C8orf88: variants seen among roughly 807,000 people sequenced by gnomAD.
C8orf88 encodes the protein uncharacterized protein C8orf88.
C8orf88 carries 14 observed loss-of-function variants against 18.4 expected under a neutral mutation model. The ratio of observed to expected loss-of-function variants is 0.76; its 90% CI spans 0.50 to 1.19. The LOEUF is 1.19. Ranked by LOEUF, C8orf88 falls within the 50% of genes most tolerant of loss-of-function variation. C8orf88 has a pLI of 0.00. For synonymous variants in C8orf88, 45 were observed against 42.9 expected (o/e 1.05, Z -0.19); for missense variants, 116 against 134.7 (o/e 0.86, Z 0.69).
intron 4 of C8orf88, among the ~76,000 whole-genome samples, chr8:90,965,199 A>G (rs1326422129): frequency 6.6e-6 from 1 of 151,766 alleles, no homozygotes; most frequent in Non-Finnish European, 1.5e-5. Flanking sequence ...ATTCAATTCA[A>G]GCAGTAACCA....
intron 4 of C8orf88, among the ~76,000 whole-genome samples, chr8:90,969,376 T>C (rs915680230): frequency 6.6e-6 from 1 of 151,862 alleles, no homozygotes; most frequent in Non-Finnish European, 1.5e-5. Flanking sequence ...AAAGGTCACA[T>C]ATTGTTCACA....
chr8:90,973,791 T>G (rs1811313419), intron 3 of C8orf88, among the ~76,000 whole-genome samples: 1 of 152,208 alleles, frequency 6.6e-6, no homozygotes, highest in East Asian at 1.9e-4. Context: ...CCCTTTTATA[T>G]TCTATAGCAA....
At chr8:90,964,220 A>G (rs770007439) in intron 4 of C8orf88, among the ~76,000 whole-genome samples, 29 of 151,694 alleles carry the variant, frequency 1.9e-4, no homozygotes, top group Non-Finnish European at 7.4e-5. Context: ...GAGATTCTTC[A>G]CACATAGATA....
At chr8:90,982,142 T>C (rs1291078218) in intron 1 of C8orf88, among the ~76,000 whole-genome samples, 1 of 152,166 alleles carries the variant, frequency 6.6e-6, no homozygotes, top group Non-Finnish European at 1.5e-5. Context: ...CCCAGCTTTG[T>C]AATGTGTCTG....
intron 1 of C8orf88, among the ~76,000 whole-genome samples, chr8:90,981,218 TCATCACCAACTCC>T (rs1291619995): frequency 3.3e-5 from 5 of 152,186 alleles, no homozygotes; most frequent in African/African-American, 1.2e-4. Flanking sequence ...TCCTTTAAAG[TCATCACCAACTCC>T]CTTGGACCAC....
intron 3 of C8orf88, among the ~76,000 whole-genome samples, chr8:90,975,055 C>T (rs998756132): frequency 6.6e-6 from 1 of 151,994 alleles, no homozygotes; most frequent in African/African-American, 2.4e-5. Flanking sequence ...GTTCAAAAGC[C>T]CTATGCTGGA....
intron 3 of C8orf88, 41 bp downstream of exon 3, chr8:90,978,537 CA>C: frequency 7.9e-7 from 1 of 1,270,064 alleles, no homozygotes. Flanking sequence ...TGTTACTTTC[CA>C]ATCTATAATA....
chr8:90,979,359 C>A (rs1029353564), intron 2 of C8orf88, among the ~76,000 whole-genome samples: 3 of 152,102 alleles, frequency 2.0e-5, no homozygotes, highest in African/African-American at 7.2e-5. Flanking sequence ...ACATTCTTTC[C>A]TTTAGGATAA....
chr8:90,959,020 T>C lies in C8orf88; in HGVS notation c.341A>G (p.Gln114Arg), dbSNP rs1811084252. The change falls in exon 6 of 6, where the codon CAA (glutamine) becomes CGA (arginine). Residue 114 changes from glutamine (Q) to arginine (R), a missense_variant. By Grantham distance (43) the Gln-to-Arg change is conservative. Transcript: ENST00000517562. ...PIVLQKPENN[Q>R]SFK ...GTTCTTAAAATGCTACTTAAAACTT[T>C]GGTTGTTTTCCTGTAATATAAAAGA... 1.4e-6 allele frequency: 2 copies of C among 1,404,472 alleles called. No individual in the cohort carries two copies. Among genetic ancestry groups the C allele is most frequent in the Non-Finnish European group, 1.9e-6 (2 of 1,052,470 alleles). 87.0% of individuals were successfully genotyped at this position (1,404,472 alleles called of 1,614,324 possible).
At chr8:90,965,008 T>C (rs547591229) in intron 4 of C8orf88, among the ~76,000 whole-genome samples, 1 of 151,530 alleles carries the variant, frequency 6.6e-6, no homozygotes, top group South Asian at 2.1e-4. Flanking sequence ...AATGGGAAGA[T>C]TAAGTCCTTT....
At chr8:90,979,576 G>T (rs1448638356) in intron 2 of C8orf88, among the ~76,000 whole-genome samples, 1 of 152,084 alleles carries the variant, frequency 6.6e-6, no homozygotes, top group South Asian at 2.1e-4. Flanking sequence ...GACAGAAACT[G>T]GTGCCACTTC....
At chr8:90,976,862 T>C (rs986599894) in intron 3 of C8orf88, among the ~76,000 whole-genome samples, 1 of 152,102 alleles carries the variant, frequency 6.6e-6, no homozygotes, top group African/African-American at 2.4e-5. Context: ...TTTGGAAGAA[T>C]ATATAGAAAA....
chr8:90,982,042 T>A (rs942933308), intron 1 of C8orf88, among the ~76,000 whole-genome samples: 2 of 152,130 alleles, frequency 1.3e-5, no homozygotes, highest in Non-Finnish European at 1.5e-5. Flanking sequence ...TATAAACTTA[T>A]AAACAACCTC....
At chr8:90,973,114 A>G (rs182846266) in intron 3 of C8orf88, among the ~76,000 whole-genome samples, 345 of 152,258 alleles carry the variant, frequency 2.3e-3, no homozygotes, top group South Asian at 3.7e-3. Flanking sequence ...ATAAAAGAGC[A>G]AATCATAATA....
intron 4 of C8orf88, among the ~76,000 whole-genome samples, chr8:90,963,370 G>C (rs1324751392): frequency 1.3e-5 from 2 of 151,622 alleles, no homozygotes; most frequent in African/African-American, 4.8e-5. Context: ...TTCCAGAGCA[G>C]CCACATTTAT....
At chr8:90,971,238 A>G in intron 3 of C8orf88, 97 bp from the exon 4 acceptor site, 1 of 561,180 alleles carries the variant, frequency 1.8e-6, no homozygotes. Flanking sequence ...TAATAAATGC[A>G]TTTAGTAGGA....
chr8:90,978,670 A>G lies in C8orf88; in HGVS notation c.74-18T>C. The G allele has an allele frequency of 7.1e-7, 1 of 1,406,716 alleles. No individual in the cohort carries two copies. Among genetic ancestry groups the G allele is most frequent in the Non-Finnish European group, 9.6e-7 (1 of 1,043,226 alleles). The allele number at this position is 1,406,716 out of a possible 1,614,324, so 87.1% of individuals were successfully genotyped here. A position where few individuals can be genotyped will look rare whatever the true frequency, so the allele number is the denominator to read the frequency against. On this transcript the variant is annotated intron_variant, in intron 2 of 5. Transcript: ENST00000517562. ...CACTGCTCCTGTTAGGAGAGGAAGA[A>G]AACAATTTCATAGATCTATTATTTC...
intron 4 of C8orf88, among the ~76,000 whole-genome samples, chr8:90,964,717 A>G (rs1291679210): frequency 6.6e-6 from 1 of 151,698 alleles, no homozygotes; most frequent in African/African-American, 2.4e-5. Context: ...TATATTACAG[A>G]ATGTGTAAAG....
upstream of C8orf88, chr8:90,985,381 G>T (rs1811495332): frequency 6.6e-6 from 1 of 152,100 alleles, no homozygotes; most frequent in African/African-American, 2.4e-5. Flanking sequence ...ACCCCTGCCG[G>T]GGTAGAACCG....
Sources: allele counts gnomAD v4.1 joint callset (sites outside exome capture counted in the v4.1 genomes callset), GRCh38; gene constraint gnomAD v4.1.1; transcripts MANE v1.5; gene names NCBI Gene and HGNC (gene_info 2026-07-23, HGNC 2026-07-21).